PCDH11X: variants seen among roughly 807,000 people sequenced by gnomAD.
PCDH11X encodes the protein protocadherin-11 X-linked.
PCDH11X carries 18 observed loss-of-function variants against 53.3 expected under a neutral mutation model. That is an observed-to-expected ratio of 0.34 (90% CI 0.23 to 0.50). The LOEUF is 0.50. Ranked by LOEUF, PCDH11X falls within the 20% of genes least tolerant of loss-of-function variation. The pLI is 0.98. For missense variants in PCDH11X, 570 were observed against 1,032.4 expected (o/e 0.55, Z 6.14); for synonymous variants, 279 against 393.3 (o/e 0.71, Z 3.44).
Position 92,499,739 on chromosome X carries a change from G to A in PCDH11X, c.3367+31417G>A, listed in dbSNP as rs201168496. Among the ~76,000 whole-genome samples, 13 of 101,692 alleles carry A rather than the reference G, an allele frequency of 1.3e-4. No individual in the cohort carries two copies. The East Asian group carries it at 4.4e-3, about 34-fold the overall frequency. The allele number at this position is 101,692 out of a possible 115,157, so 88.3% of individuals were successfully genotyped here. A position where few individuals can be genotyped will look rare whatever the true frequency, so the allele number is the denominator to read the frequency against. ...CCCAACTACTCACAAGGCTAAGGTG[G>A]GATGACCACTTGAGCCTGGGAGGTC... On this transcript the variant is annotated intron_variant, in intron 10 of 10. Coordinates refer to ENST00000682573, the MANE Select transcript of PCDH11X (RefSeq NM_032968.5).
intron 6 of PCDH11X, chrX:91,882,843 G>A (rs775312109): frequency 2.6e-6 from 3 of 1,166,061 alleles, no homozygotes; most frequent in African/African-American, 3.6e-5. Flanking sequence ...AAGCATGCTT[G>A]GCAAATGAAA....
At chrX:91,969,880 C>G (rs1407852032) in intron 6 of PCDH11X, among the ~76,000 whole-genome samples, 1 of 109,997 alleles carries the variant, frequency 9.1e-6, no homozygotes, top group African/African-American at 3.3e-5. Flanking sequence ...GAGAGTGCGG[C>G]CTAGAATCCT....
rs185414348 is a variant in PCDH11X, at chrX:91,988,514, C to A, written c.3033+109241C>A. Among the ~76,000 whole-genome samples, 3 of 112,162 alleles carry A rather than the reference C, an allele frequency of 2.7e-5. No homozygotes were observed. In the East Asian group the frequency reaches 8.4e-4, roughly 31 times the overall value. On this transcript the variant is annotated intron_variant, in intron 6 of 10. Coordinates refer to ENST00000682573, the MANE Select transcript of PCDH11X (RefSeq NM_032968.5). ...CATAAACTAATTATAGCAATCAATT[C>A]GCATGCAGTAATTACATTACCTATG...
chrX:92,314,384 G>A (rs191336553), intron 8 of PCDH11X, among the ~76,000 whole-genome samples: 2 of 111,183 alleles, frequency 1.8e-5, no homozygotes, highest in East Asian at 2.8e-4. Context: ...TAACAATGCC[G>A]TCTTCTGAAA....
chrX:91,965,722 A>C (rs1395037282), intron 6 of PCDH11X, among the ~76,000 whole-genome samples: 1 of 112,255 alleles, frequency 8.9e-6, no homozygotes, highest in Non-Finnish European at 1.9e-5. Flanking sequence ...TTCTTTAAAC[A>C]ACTATTATTT....
rs1927420083 is a variant in PCDH11X, at chrX:92,611,840, T to G, written c.3368-6424T>G. 3.8e-5 allele frequency among the ~76,000 whole-genome samples: 4 copies of G among 104,302 alleles called. No individual in the cohort carries two copies. In the South Asian group the frequency reaches 1.6e-3, roughly 42 times the overall value. 90.6% of individuals were successfully genotyped at this position (104,302 alleles called of 115,157 possible). On this transcript the variant is annotated intron_variant, in intron 10 of 10. Coordinates refer to ENST00000682573, the MANE Select transcript of PCDH11X (RefSeq NM_032968.5). ...TTCTGTGTCTACTGAGATGATCACT[T>G]TTTTTTTAAATTTACTTCTGTTTAT...
intron 4 of PCDH11X, among the ~76,000 whole-genome samples, chrX:91,813,613 T>C (rs1936358798): frequency 1.9e-5 from 2 of 107,523 alleles, no homozygotes; most frequent in African/African-American, 7.3e-5. Context: ...TCTATAGATT[T>C]CGAAAGGTAA....
chrX:91,817,593 T>C (rs990288938), intron 4 of PCDH11X, among the ~76,000 whole-genome samples: 2 of 111,317 alleles, frequency 1.8e-5, no homozygotes, highest in African/African-American at 6.5e-5. Context: ...AGTGCTTAAG[T>C]CCTTAGCCTT....
chrX:92,435,137 C>T (rs1305303698), intron 9 of PCDH11X, among the ~76,000 whole-genome samples: 3 of 109,470 alleles, frequency 2.7e-5, no homozygotes, highest in Non-Finnish European at 5.7e-5. Context: ...AGTTGAAAGC[C>T]GAAATAGTGG....
chrX:92,285,178 G>A (rs758376901), intron 8 of PCDH11X, among the ~76,000 whole-genome samples: 4 of 107,347 alleles, frequency 3.7e-5, no homozygotes, highest in East Asian at 2.9e-4. Flanking sequence ...TGATGCAGAC[G>A]TGCTGGCAAA....
At chrX:92,221,833 T>A (rs2066885714) in intron 7 of PCDH11X, among the ~76,000 whole-genome samples, 1 of 98,610 alleles carries the variant, frequency 1.0e-5, no homozygotes, top group Admixed American at 1.4e-4. Flanking sequence ...AACCATTTTC[T>A]TAAATAGATT....
At chrX:92,604,331 G>A (rs1484294444) in intron 10 of PCDH11X, among the ~76,000 whole-genome samples, 1 of 109,310 alleles carries the variant, frequency 9.1e-6, no homozygotes, top group Non-Finnish European at 1.9e-5. Flanking sequence ...TAGGTATATA[G>A]GAGTAATATC....
intron 10 of PCDH11X, among the ~76,000 whole-genome samples, chrX:92,543,809 G>T (rs1472451062): frequency 9.2e-6 from 1 of 108,863 alleles, no homozygotes; most frequent in Non-Finnish European, 1.9e-5. Context: ...ATAATATATA[G>T]TCTAGAATAA....
At chrX:91,798,774 CT>C (rs2147534811) in intron 1 of PCDH11X, among the ~76,000 whole-genome samples, 1 of 110,726 alleles carries the variant, frequency 9.0e-6, no homozygotes, top group East Asian at 2.8e-4. Flanking sequence ...GAAAATTCTA[CT>C]TTTCACAGAA....
chrX:91,887,962 C>G (rs1268076802), intron 6 of PCDH11X, among the ~76,000 whole-genome samples: 3 of 111,626 alleles, frequency 2.7e-5, no homozygotes, highest in Non-Finnish European at 3.8e-5. Context: ...AAAATACCAT[C>G]TAATATTTTC....
At chrX:91,830,102 A>C (rs2147607030) in intron 4 of PCDH11X, among the ~76,000 whole-genome samples, 1 of 111,450 alleles carries the variant, frequency 9.0e-6, no homozygotes, top group African/African-American at 3.3e-5. Context: ...ATCATATATC[A>C]AAAATCCAGA....
At position 92,401,752 on chromosome X, in the gene PCDH11X, C is replaced by T. The variant is rs182486828; in HGVS notation, c.3343+13819C>T. Among the ~76,000 whole-genome samples, 29 of 112,299 alleles carry T rather than the reference C, an allele frequency of 2.6e-4. No individual in the cohort carries two copies. In the East Asian group the frequency reaches 8.1e-3, roughly 32 times the overall value. ...GTGCTGATTTATAACAAGTAATTAT[C>T]TAATGAAGATAGTGTTAGGCAAACA... On this transcript the variant is annotated intron_variant, in intron 9 of 10. Transcript: ENST00000682573.
intron 6 of PCDH11X, among the ~76,000 whole-genome samples, chrX:91,944,795 G>GA (rs775920022): frequency 1.9e-5 from 2 of 107,913 alleles, no homozygotes; most frequent in South Asian, 8.0e-4. Flanking sequence ...TTAGTTGACA[G>GA]AAAAAAATCA....
intron 10 of PCDH11X, among the ~76,000 whole-genome samples, chrX:92,526,085 T>C (rs751698754): frequency 4.5e-5 from 5 of 111,508 alleles, no homozygotes; most frequent in Non-Finnish European, 9.4e-5. Flanking sequence ...TAAAATAAAA[T>C]TCATTCTTAA....
Sources: allele counts gnomAD v4.1 joint callset (sites outside exome capture counted in the v4.1 genomes callset), GRCh38; gene constraint gnomAD v4.1.1; transcripts MANE v1.5; gene names NCBI Gene and HGNC (gene_info 2026-07-23, HGNC 2026-07-21).